Variants in MAGI2 observed in about 807,000 individuals in gnomAD.
MAGI2 encodes membrane-associated guanylate kinase, WW and PDZ domain-containing protein 2.
In MAGI2, 35 loss-of-function variants were observed where a neutral mutation model predicts 133.3. The observed-to-expected ratio is 0.26, with a 90% CI of 0.20 to 0.35. The LOEUF is 0.35. Ranked by LOEUF, MAGI2 falls within the 10% of genes least tolerant of loss-of-function variation. The pLI is 1.00. For synonymous variants in MAGI2, 729 were observed against 710.6 expected, an observed-to-expected ratio of 1.03 and a Z score of -0.41; for missense variants, 1,636 against 1,863.4, an observed-to-expected ratio of 0.88 and a Z score of 2.25.
At chr7:79,107,507 G>T (rs1818544734) in intron 1 of MAGI2, among the ~76,000 whole-genome samples, 1 of 152,216 alleles carries the variant, frequency 6.6e-6, no homozygotes, top group African/African-American at 2.4e-5. Flanking sequence ...TGAGGAGATA[G>T]ATCTGTGATG....
At chr7:78,509,795 C>T (rs916522194) in intron 4 of MAGI2, among the ~76,000 whole-genome samples, 2 of 152,152 alleles carry the variant, frequency 1.3e-5, no homozygotes, top group African/African-American at 2.4e-5. Context: ...AATATCTTAT[C>T]CATATTTTCA....
In MAGI2 at chr7:78,663,298, C is replaced by T. The variant is rs1208575778; in HGVS notation, c.419-36059G>A. 2.6e-5 allele frequency among the ~76,000 whole-genome samples: 4 copies of T among 151,646 alleles called. No individual in the cohort carries two copies. In the East Asian group the frequency reaches 5.8e-4, roughly 22 times the overall value. The stretch of plus-strand genomic sequence containing the variant: ...CTCTGCTCACTGCAATATCCGCCTC[C>T]CGGGTTCAAGCGATTTTCCTGCCTC... On this transcript the variant is annotated intron_variant, in intron 2 of 21. Transcript: ENST00000354212.
At chr7:78,705,031 T>C (rs1424993684) in intron 2 of MAGI2, among the ~76,000 whole-genome samples, 1 of 152,036 alleles carries the variant, frequency 6.6e-6, no homozygotes, top group Non-Finnish European at 1.5e-5. Flanking sequence ...AGGGTATATT[T>C]ACACCACAGA....
At chr7:78,323,090 A>G (rs545883432) in intron 9 of MAGI2, among the ~76,000 whole-genome samples, 1 of 152,080 alleles carries the variant, frequency 6.6e-6, no homozygotes, top group Admixed American at 6.5e-5. Flanking sequence ...ATTACCAAAA[A>G]AAAATTTACA....
At chr7:78,748,047 T>C (rs774251267) in intron 2 of MAGI2, among the ~76,000 whole-genome samples, 2 of 152,156 alleles carry the variant, frequency 1.3e-5, no homozygotes, top group Non-Finnish European at 2.9e-5. Context: ...TTATAATTTC[T>C]TTTAACATCA....
chr7:78,496,175 CTAAT>C (rs1470151236), intron 5 of MAGI2, among the ~76,000 whole-genome samples: 1 of 152,084 alleles, frequency 6.6e-6, no homozygotes, highest in African/African-American at 2.4e-5. Flanking sequence ...GAAACATAAA[CTAAT>C]TGTGTGTTTG....
chr7:78,667,058 G>A (rs1813677539), intron 2 of MAGI2, among the ~76,000 whole-genome samples: 2 of 152,040 alleles, frequency 1.3e-5, no homozygotes, highest in African/African-American at 4.8e-5. Context: ...TAAGATAATT[G>A]TAGATTTACA....
intron 21 of MAGI2, among the ~76,000 whole-genome samples, chr7:78,076,840 G>A (rs1448428308): frequency 9.4e-6 from 1 of 106,946 alleles, no homozygotes; most frequent in African/African-American, 3.8e-5. Context: ...GCGACAGAGC[G>A]AGACTCCGTC....
At chr7:78,358,497 CA>C in intron 7 of MAGI2, 1 of 155,906 alleles carries the variant, frequency 6.4e-6, no homozygotes. Context: ...TCCCAAGGCC[CA>C]CCCGCCCCGC....
chr7:79,091,362 C>A (rs1045578568), intron 1 of MAGI2, among the ~76,000 whole-genome samples: 3 of 152,104 alleles, frequency 2.0e-5, no homozygotes, highest in African/African-American at 7.2e-5. Flanking sequence ...ATTTTCGATA[C>A]AAACACAATT....
chr7:78,932,372 A>G (rs1017734213), intron 2 of MAGI2, among the ~76,000 whole-genome samples: 1 of 152,154 alleles, frequency 6.6e-6, no homozygotes, highest in African/African-American at 2.4e-5. Context: ...TTGTTGGAGA[A>G]ACTGGGAAGC....
intron 3 of MAGI2, among the ~76,000 whole-genome samples, chr7:78,552,462 C>T (rs936171927): frequency 3.9e-5 from 6 of 152,126 alleles, no homozygotes; most frequent in Admixed American, 6.5e-5. Context: ...GGATTACAGG[C>T]GTAAGCCACT....
chr7:78,573,076 TACACACAC>T (rs1217454892), intron 3 of MAGI2, among the ~76,000 whole-genome samples: 1 of 52,582 alleles, frequency 1.9e-5, no homozygotes, highest in Non-Finnish European at 3.1e-5. Flanking sequence ...TATATATATA[TACACACAC>T]ACACACACAC....
chr7:78,496,804 C>G (rs1396909219), intron 5 of MAGI2, among the ~76,000 whole-genome samples: 1 of 152,136 alleles, frequency 6.6e-6, no homozygotes, highest in Non-Finnish European at 1.5e-5. Flanking sequence ...ACCATGGAGA[C>G]AGTCTACATC....
chr7:78,122,161 T>C (rs953071913), intron 20 of MAGI2, among the ~76,000 whole-genome samples: 7 of 152,190 alleles, frequency 4.6e-5, no homozygotes, highest in Non-Finnish European at 8.8e-5. Flanking sequence ...AATGAAATCA[T>C]GGGAGCTTGG....
intron 3 of MAGI2, among the ~76,000 whole-genome samples, chr7:78,579,185 AC>A (rs1355217745): frequency 2.0e-5 from 3 of 152,200 alleles, no homozygotes; most frequent in Non-Finnish European, 2.9e-5. Context: ...ACAAGTAGAG[AC>A]TTTATTTGGA....
At chr7:78,974,806 A>C (rs1302462711) in intron 2 of MAGI2, among the ~76,000 whole-genome samples, 1 of 151,792 alleles carries the variant, frequency 6.6e-6, no homozygotes, top group East Asian at 1.9e-4. Context: ...TAAAAATATA[A>C]ATCAAGTAAG....
At chr7:78,341,022 T>C (rs1393766174) in intron 9 of MAGI2, among the ~76,000 whole-genome samples, 2 of 152,216 alleles carry the variant, frequency 1.3e-5, no homozygotes, top group Non-Finnish European at 2.9e-5. Flanking sequence ...AAATAGTCTC[T>C]TTTTGCAGAT....
In MAGI2 at chr7:79,353,123, G is replaced by A. The variant is rs1474857879; in HGVS notation, c.301+99897C>T. On this transcript the variant is annotated intron_variant, in intron 1 of 21. Coordinates refer to ENST00000354212, the MANE Select transcript of MAGI2 (RefSeq NM_012301.4). The stretch of plus-strand genomic sequence containing the variant: ...AGGCCGATTTAGCTTACAGAGTTTG[G>A]GCTATGACTTGCAACAGTTTAGGGG... 2.6e-5 allele frequency among the ~76,000 whole-genome samples: 4 copies of A among 152,148 alleles called. No homozygotes were observed. In the East Asian group the frequency reaches 7.8e-4, roughly 30 times the overall value.
Sources: allele counts gnomAD v4.1 joint callset (sites outside exome capture counted in the v4.1 genomes callset), GRCh38; gene constraint gnomAD v4.1.1; transcripts MANE v1.5; gene names NCBI Gene and HGNC (gene_info 2026-07-23, HGNC 2026-07-21).